Variants in GRID1 observed in about 807,000 individuals in gnomAD.
GRID1 encodes the protein glutamate ionotropic receptor delta type subunit 1.
GRID1 carries 28 observed loss-of-function variants against 98.0 expected under a neutral mutation model. That is an observed-to-expected ratio of 0.29 (90% CI 0.21 to 0.39). The LOEUF (loss-of-function observed/expected upper bound fraction) is 0.39. Among genes scored for constraint, GRID1 ranks in the 10% least tolerant of loss-of-function variants. GRID1 has a pLI of 1.00. For missense variants in GRID1, 1,111 were observed against 1,340.5 expected (o/e 0.83, Z 2.67); for synonymous variants, 553 against 538.5 (o/e 1.03, Z -0.37).
intron 6 of GRID1, among the ~76,000 whole-genome samples, chr10:85,859,133 A>G (rs1159874752): frequency 6.6e-6 from 1 of 152,198 alleles, no homozygotes; most frequent in Non-Finnish European, 1.5e-5. Flanking sequence ...CTTCCATTAT[A>G]TATGTTGCCA....
In GRID1 at chr10:85,868,997, G is replaced by A. The variant is rs1004049712; in HGVS notation, c.951+13C>T. 1.9e-6 allele frequency: 3 copies of A among 1,611,482 alleles called. No homozygotes were observed. The highest frequency in any genetic ancestry group is 1.7e-5 in the Admixed American group (1 of 60,014). ...TGGTGGAGGGGACTGGAGAGAAGAG[G>A]CTGAGCACTGACCTGCAGCATCTGG... On this transcript the variant is annotated intron_variant, in intron 6 of 15. Transcript: ENST00000327946.
At chr10:86,325,261 C>A (rs1006029032) in intron 2 of GRID1, among the ~76,000 whole-genome samples, 1 of 152,176 alleles carries the variant, frequency 6.6e-6, no homozygotes, top group Non-Finnish European at 1.5e-5. Flanking sequence ...CATATATTAA[C>A]TAATATCATC....
chr10:86,170,379 G>A (rs191532306), intron 3 of GRID1, among the ~76,000 whole-genome samples: 1 of 152,366 alleles, frequency 6.6e-6, no homozygotes, highest in African/African-American at 2.4e-5. Flanking sequence ...CCCCGGTAAA[G>A]TAGAGCTTCT....
rs78430098 is a variant in GRID1, at chr10:86,144,617, G to A, written c.521-5593C>T. On this transcript the variant is annotated intron_variant, in intron 3 of 15. Coordinates refer to ENST00000327946, the MANE Select transcript of GRID1 (RefSeq NM_017551.3). ...TCATCAACAAACAAGGGCCCTCCTC[G>A]GTCTTTGTCTTCCACGGTTCTCCAG... Among the ~76,000 whole-genome samples the A allele has an allele frequency of 4.6e-3, 698 of 152,046 alleles. 22 individuals are homozygous for A. The East Asian group carries it at 0.08, about 18-fold the overall frequency.
chr10:85,811,209 G>A (rs1407061056), intron 8 of GRID1, among the ~76,000 whole-genome samples: 7 of 152,200 alleles, frequency 4.6e-5, no homozygotes, highest in Admixed American at 1.3e-4. Flanking sequence ...CCAGCCAATC[G>A]ACATATAAAA....
chr10:85,859,393 A>C (rs1259991346), intron 6 of GRID1, among the ~76,000 whole-genome samples: 2 of 151,910 alleles, frequency 1.3e-5, no homozygotes, highest in South Asian at 4.2e-4. Context: ...GAAGTGATGG[A>C]TGGATGGATG....
intron 8 of GRID1, among the ~76,000 whole-genome samples, chr10:85,737,673 T>TATATATATATATATA (rs1342754070): frequency 1.8e-5 from 2 of 113,034 alleles, no homozygotes; most frequent in African/African-American, 3.5e-5. Flanking sequence ...TATATATATA[T>TATATATATATATATA]AAACATATAT....
intron 14 of GRID1, among the ~76,000 whole-genome samples, chr10:85,616,649 A>G (rs1164104820): frequency 6.6e-6 from 1 of 152,230 alleles, no homozygotes; most frequent in Non-Finnish European, 1.5e-5. Flanking sequence ...CTAAACAAAC[A>G]AAGGAAATTT....
chr10:86,112,264 G>A lies in GRID1; in HGVS notation c.726+26555C>T, dbSNP rs7896959. On this transcript the variant is annotated intron_variant, in intron 4 of 15. Transcript: ENST00000327946. ...TCACGCCACATCTGCAGGATGAGGC[G>A]TGGCCCAGCTCTGTCTCAAAACCTC... Among the ~76,000 whole-genome samples, 696 of 152,278 alleles carry A rather than the reference G, an allele frequency of 4.6e-3. 5 individuals carry two copies. Among genetic ancestry groups the A allele is most frequent in the African/African-American group, 0.016 (653 of 41,562 alleles).
chr10:85,914,483 C>T (rs746871340), intron 5 of GRID1, among the ~76,000 whole-genome samples: 1 of 152,078 alleles, frequency 6.6e-6, no homozygotes, highest in East Asian at 1.9e-4. Context: ...CTCTCACAGG[C>T]TCTGAAAACA....
At chr10:85,846,067 CTG>C (rs1211543393) in intron 8 of GRID1, among the ~76,000 whole-genome samples, 1 of 152,102 alleles carries the variant, frequency 6.6e-6, no homozygotes, top group Non-Finnish European at 1.5e-5. Flanking sequence ...TGAAAATTCA[CTG>C]TGATTCACGT....
At chr10:85,740,554 G>C (rs140544133) in intron 8 of GRID1, among the ~76,000 whole-genome samples, 216 of 152,062 alleles carry the variant, frequency 1.4e-3, no homozygotes, top group African/African-American at 4.9e-3. Context: ...CTGGAACATC[G>C]TTCCCTTCCT....
intron 2 of GRID1, among the ~76,000 whole-genome samples, chr10:86,353,304 A>G (rs1314639566): frequency 1.3e-5 from 2 of 152,244 alleles, no homozygotes; most frequent in African/African-American, 4.8e-5. Context: ...TGAGTCCAGG[A>G]GGAGTCTGAG....
At chr10:86,054,353 C>T (rs1295577663) in intron 4 of GRID1, among the ~76,000 whole-genome samples, 1 of 152,188 alleles carries the variant, frequency 6.6e-6, no homozygotes, top group Non-Finnish European at 1.5e-5. Flanking sequence ...CCCCCTCCAG[C>T]TGATGCGGTT....
chr10:85,780,823 T>C (rs1842374848), intron 8 of GRID1, among the ~76,000 whole-genome samples: 1 of 152,254 alleles, frequency 6.6e-6, no homozygotes, highest in African/African-American at 2.4e-5. Context: ...TTCTGAGGAT[T>C]AAATTAGGCA....
At chr10:85,985,174 C>T (rs1380811880) in intron 4 of GRID1, among the ~76,000 whole-genome samples, 1 of 152,148 alleles carries the variant, frequency 6.6e-6, no homozygotes. Flanking sequence ...TGGCATACAC[C>T]ATTTAATCTT....
At chr10:86,083,567 C>T (rs571670091) in intron 4 of GRID1, among the ~76,000 whole-genome samples, 2 of 152,344 alleles carry the variant, frequency 1.3e-5, no homozygotes, top group East Asian at 3.9e-4. Context: ...ACAACTACAA[C>T]TTATATTCCT....
At chr10:85,678,113 C>G (rs1397566111) in intron 12 of GRID1, among the ~76,000 whole-genome samples, 1 of 152,100 alleles carries the variant, frequency 6.6e-6, no homozygotes, top group Non-Finnish European at 1.5e-5. Context: ...TCTAAGTTGG[C>G]CAAAGCTAAG....
intron 4 of GRID1, among the ~76,000 whole-genome samples, chr10:86,003,591 G>T (rs1842825602): frequency 6.6e-6 from 1 of 152,156 alleles, no homozygotes; most frequent in African/African-American, 2.4e-5. Flanking sequence ...GTGTGCATGA[G>T]TACTTCCCAT....
Sources: gnomAD v4.1 joint callset for allele counts (sites outside exome capture counted in the v4.1 genomes callset) on GRCh38, gnomAD v4.1.1 for gene constraint, MANE v1.5 for transcripts, NCBI Gene and HGNC (gene_info 2026-07-23, HGNC 2026-07-21) for gene names.